SPOCK1: variants seen among roughly 807,000 people sequenced by gnomAD.
SPOCK1 encodes the protein SPARC (osteonectin), cwcv and kazal like domains proteoglycan 1.
Under a neutral mutation model 55.3 loss-of-function variants are expected in SPOCK1, and 23 were observed. The observed-to-expected ratio is 0.42, with a 90% CI of 0.30 to 0.59. The LOEUF (loss-of-function observed/expected upper bound fraction) is 0.59, where lower values mean the gene tolerates loss of function less well. Ranked by LOEUF, SPOCK1 falls within the 20% of genes least tolerant of loss-of-function variation. SPOCK1 has a pLI of 0.22. For missense variants in SPOCK1, 499 were observed against 552.5 expected (o/e 0.90, Z 0.97); for synonymous variants, 226 against 221.0 (o/e 1.02, Z -0.20).
chr5:137,227,836 C>A (rs1188257913), intron 3 of SPOCK1, among the ~76,000 whole-genome samples: 1 of 152,178 alleles, frequency 6.6e-6, no homozygotes, highest in Non-Finnish European at 1.5e-5. Context: ...ACCTCTTAGA[C>A]CCTTCCCTCC....
chr5:137,463,569 C>CA (rs899022683), intron 2 of SPOCK1, among the ~76,000 whole-genome samples: 17 of 144,898 alleles, frequency 1.2e-4, no homozygotes, highest in Admixed American at 4.1e-4. Flanking sequence ...TTACTGGGTG[C>CA]AAAAAAAAAT....
At chr5:137,394,529 T>G (rs1006035635) in intron 2 of SPOCK1, among the ~76,000 whole-genome samples, 1 of 152,210 alleles carries the variant, frequency 6.6e-6, no homozygotes. Flanking sequence ...CCACGCCTTA[T>G]AGCCTTCATC....
At chr5:136,993,505 C>T (rs958579493) in intron 6 of SPOCK1, among the ~76,000 whole-genome samples, 1 of 152,118 alleles carries the variant, frequency 6.6e-6, no homozygotes, top group Non-Finnish European at 1.5e-5. Flanking sequence ...GAGAACCCAG[C>T]AATGCATTTG....
intron 3 of SPOCK1, among the ~76,000 whole-genome samples, chr5:137,192,961 G>T (rs1041452795): frequency 1.3e-5 from 2 of 152,214 alleles, no homozygotes; most frequent in African/African-American, 4.8e-5. Flanking sequence ...CGAGATCTGG[G>T]AAAGATATAC....
chr5:137,246,895 G>A (rs1189655714), intron 3 of SPOCK1, among the ~76,000 whole-genome samples: 1 of 152,150 alleles, frequency 6.6e-6, no homozygotes, highest in Non-Finnish European at 1.5e-5. Flanking sequence ...GGTTCTTCAG[G>A]TAGGTCTTTA....
At chr5:137,014,669 C>T (rs1459709689) in intron 6 of SPOCK1, among the ~76,000 whole-genome samples, 6 of 152,246 alleles carry the variant, frequency 3.9e-5, no homozygotes, top group Middle Eastern at 3.4e-3. Flanking sequence ...GTCAATATAC[C>T]TGAGCTTATC....
chr5:136,998,417 C>A (rs926940296), intron 6 of SPOCK1, among the ~76,000 whole-genome samples: 2 of 152,108 alleles, frequency 1.3e-5, no homozygotes, highest in African/African-American at 4.8e-5. Flanking sequence ...AATGAATGAA[C>A]AATAGATCAC....
At chr5:136,983,140 A>C (rs1750765549) in intron 9 of SPOCK1, among the ~76,000 whole-genome samples, 1 of 152,162 alleles carries the variant, frequency 6.6e-6, no homozygotes, top group African/African-American at 2.4e-5. Context: ...CCTGCCTTCC[A>C]CTGTAGCTTT....
intron 3 of SPOCK1, among the ~76,000 whole-genome samples, chr5:137,146,073 G>A (rs1354648379): frequency 6.6e-6 from 1 of 152,194 alleles, no homozygotes; most frequent in East Asian, 1.9e-4. Flanking sequence ...TAAAGTCGGG[G>A]GAGAGGGGCA....
chr5:137,238,125 C>T (rs1369332106), intron 3 of SPOCK1, among the ~76,000 whole-genome samples: 1 of 152,130 alleles, frequency 6.6e-6, no homozygotes, highest in Non-Finnish European at 1.5e-5. Flanking sequence ...CCTCACAGGG[C>T]TGTAGAGAGA....
chr5:137,481,009 C>T (rs1308602723), intron 2 of SPOCK1, among the ~76,000 whole-genome samples: 1 of 152,196 alleles, frequency 6.6e-6, no homozygotes, highest in Non-Finnish European at 1.5e-5. Context: ...TGAAACTTCT[C>T]ACGAATTCCT....
chr5:137,294,560 G>C (rs966559310), intron 2 of SPOCK1, among the ~76,000 whole-genome samples: 7 of 152,318 alleles, frequency 4.6e-5, no homozygotes, highest in Admixed American at 6.5e-5. Flanking sequence ...CAAGGCCGTG[G>C]AAGTTGTCAC....
chr5:137,081,233 T>C (rs1317301385), intron 5 of SPOCK1, among the ~76,000 whole-genome samples: 1 of 152,192 alleles, frequency 6.6e-6, no homozygotes, highest in Non-Finnish European at 1.5e-5. Flanking sequence ...TCTCTTAGAC[T>C]CTCTGCATAA....
intron 2 of SPOCK1, among the ~76,000 whole-genome samples, chr5:137,405,215 G>A (rs1484518955): frequency 1.3e-5 from 2 of 152,182 alleles, no homozygotes; most frequent in Non-Finnish European, 2.9e-5. Context: ...CACTGTTTAG[G>A]TCAAGAAAGT....
chr5:137,206,065 CACA>C (rs1755516793), intron 3 of SPOCK1, among the ~76,000 whole-genome samples: 1 of 152,226 alleles, frequency 6.6e-6, no homozygotes, highest in African/African-American at 2.4e-5. Context: ...TATCCTGCAG[CACA>C]ACGACTCAAA....
intron 5 of SPOCK1, among the ~76,000 whole-genome samples, chr5:137,094,670 T>G (rs949341831): frequency 2.6e-5 from 4 of 152,206 alleles, no homozygotes; most frequent in Admixed American, 6.5e-5. Context: ...TGCTGACTGA[T>G]AAGGGTGGTG....
chr5:137,475,735 G>A (rs1753825346), intron 2 of SPOCK1, among the ~76,000 whole-genome samples: 1 of 151,912 alleles, frequency 6.6e-6, no homozygotes, highest in African/African-American at 2.4e-5. Context: ...AGCACACCAT[G>A]CTGGCTAATT....
intron 3 of SPOCK1, among the ~76,000 whole-genome samples, chr5:137,154,657 T>C (rs1285339099): frequency 1.3e-5 from 2 of 152,196 alleles, no homozygotes; most frequent in Non-Finnish European, 2.9e-5. Flanking sequence ...CTGAGGTTCA[T>C]CAGCACCAAT....
At chr5:137,356,832 TATATATAGAGAG>T (rs1260266932) in intron 2 of SPOCK1, among the ~76,000 whole-genome samples, 2 of 10,166 alleles carry the variant, frequency 2.0e-4, no homozygotes, top group Non-Finnish European at 3.9e-4. Flanking sequence ...TATATATATA[TATATATAGAGAG>T]AGAGAGAGAG....
Sources: allele counts gnomAD v4.1 joint callset (sites outside exome capture counted in the v4.1 genomes callset), GRCh38; gene constraint gnomAD v4.1.1; transcripts MANE v1.5; gene names NCBI Gene and HGNC (gene_info 2026-07-23, HGNC 2026-07-21).